The following IGF2 variants were observed in gnomAD, a reference collection of about 807,000 sequenced individuals.
The protein encoded by IGF2 is insulin-like growth factor 2.
A neutral mutation model predicts 12.0 loss-of-function variants in IGF2; 2 were observed. The ratio of observed to expected loss-of-function variants is 0.17; its 90% CI spans 0.07 to 0.52. The LOEUF (loss-of-function observed/expected upper bound fraction) is 0.52. Among genes scored for constraint, IGF2 ranks in the 20% least tolerant of loss-of-function variants. IGF2 has a pLI of 0.95. For missense variants in IGF2, 211 were observed against 268.0 expected, an observed-to-expected ratio of 0.79 and a Z score of 1.48; for synonymous variants, 105 against 110.1, an observed-to-expected ratio of 0.95 and a Z score of 0.29.
chr11:2,135,510 A>T lies in IGF2; in HGVS notation c.14T>A (p.Met5Lys). The part of the protein sequence containing the change: MGIP[M>K]GKSMLVLLTF... ...GAGAAGCACCAGCATCGACTTCCCCATTGGGATTCCCATTGGTGTCTGGGG... is the reference window on the plus strand; with the variant it reads ...GAGAAGCACCAGCATCGACTTCCCCTTTGGGATTCCCATTGGTGTCTGGGG... Residue 5 changes from methionine to lysine, a missense_variant, in exon 2 of 4, where the codon ATG (methionine) becomes AAG (lysine). Met to Lys is a moderately conservative substitution (Grantham distance 95). Around this residue, in one of 3 missense-constraint regions of IGF2, gnomAD observed 40 missense variants for 35.7 expected, o/e 1.12. Transcript: ENST00000416167. 3.7e-6 allele frequency: 6 copies of T among 1,613,510 alleles called. No individual in the cohort carries two copies. The highest frequency in any genetic ancestry group is 4.2e-6 in the Non-Finnish European group (5 of 1,179,788).
chr11:2,149,171 A>G, the IGF2 span: 404 of 1,613,458 alleles, frequency 2.5e-4, 3 homozygotes, highest in South Asian at 4.3e-3. Context: ...TGGACAGTGG[A>G]TAAAGAGGAC....
At chr11:2,139,577 G>GA (rs1164354025), upstream of IGF2, among the ~76,000 whole-genome samples, 1 of 1,492 alleles carries the variant, frequency 6.7e-4, no homozygotes, top group Non-Finnish European at 1.1e-3. Flanking sequence ...CTGGGGCCCC[G>GA]GGGGGGGGGC....
the IGF2 span, chr11:2,147,556 A>C: frequency 1.1e-5 from 13 of 1,158,938 alleles, no homozygotes; most frequent in African/African-American, 1.6e-5. The surrounding 1 kb of genome is among the most constrained non-coding windows in gnomAD (Gnocchi z 7.2). Context: ...AGGGTGCCTG[A>C]GACACTCACC....
In IGF2 at chr11:2,138,765, C is replaced by T; in HGVS notation, c.-543G>A. 2.2e-6 allele frequency: 2 copies of T among 912,724 alleles called. No homozygotes were observed. Among genetic ancestry groups the T allele is most frequent in the Non-Finnish European group, 2.6e-6 (2 of 782,274 alleles). The allele number at this position is 912,724 out of a possible 1,614,324, so 56.5% of individuals were successfully genotyped here. ...ACGGGAGGGAGCGAAGGGAAGGTTGCGGGAGAAAGAGCGGGGGCCGGGGCC... is the reference window on the plus strand; with the variant it reads ...ACGGGAGGGAGCGAAGGGAAGGTTGTGGGAGAAAGAGCGGGGGCCGGGGCC... On this transcript the variant is annotated 5_prime_UTR_variant, in exon 1 of 4. Coordinates refer to ENST00000416167, the MANE Select transcript of IGF2 (RefSeq NM_000612.6).
intron 2 of IGF2, among the ~76,000 whole-genome samples, 170 bp downstream of exon 2, chr11:2,135,197 T>C (rs575243564): frequency 1.5e-3 from 227 of 152,314 alleles, no homozygotes; most frequent in African/African-American, 5.3e-3. Flanking sequence ...CTGGTGTGGA[T>C]GCCCTGGGAC....
At chr11:2,141,559 G>A (rs1342559105), upstream of IGF2, among the ~76,000 whole-genome samples, 1 of 152,210 alleles carries the variant, frequency 6.6e-6, no homozygotes, top group Admixed American at 6.5e-5. Flanking sequence ...TTGCCGTAGA[G>A]CCATATTACG....
In IGF2 at chr11:2,132,879, G is replaced by T; in HGVS notation, c.*108C>A. On this transcript the variant is annotated 3_prime_UTR_variant, in exon 4 of 4. Transcript: ENST00000416167. ...GGACTGGGTCAGGAGAAGCCCCAGG[G>T]GGACGTGGAACCGAGAGATTTTCGG... 1 of 779,224 alleles carries T rather than the reference G, an allele frequency of 1.3e-6. No individual in the cohort carries two copies. 48.3% of individuals were successfully genotyped at this position (779,224 alleles called of 1,614,324 possible). A position where few individuals can be genotyped will look rare whatever the true frequency, so the allele number is the denominator to read the frequency against.
chr11:2,142,417 T>C (rs546351822), upstream of IGF2, among the ~76,000 whole-genome samples: 15 of 152,288 alleles, frequency 9.8e-5, 1 homozygote, highest in Admixed American at 2.0e-4. The surrounding 1 kb of genome is among the most constrained non-coding windows in gnomAD (Gnocchi z 5.7). Context: ...GTCTTAGGAC[T>C]TAGGAATTTT....
chr11:2,135,256 G>A, intron 2 of IGF2, 111 bp downstream of exon 2: 6 of 997,558 alleles, frequency 6.0e-6, no homozygotes, highest in Non-Finnish European at 5.7e-6. Context: ...CTCAGAGCAA[G>A]CGGCTGGGCT....
chr11:2,145,364 A>C (rs985097861), upstream of IGF2, among the ~76,000 whole-genome samples: 1 of 152,190 alleles, frequency 6.6e-6, no homozygotes, highest in Non-Finnish European at 1.5e-5. Context: ...TAGGTTGCCG[A>C]GGCTCCCGTC....
At chr11:2,144,568 G>A (rs1859800750), upstream of IGF2, among the ~76,000 whole-genome samples, 1 of 152,226 alleles carries the variant, frequency 6.6e-6, no homozygotes, top group South Asian at 2.1e-4. Flanking sequence ...CCGCTGGGGT[G>A]CCAGGGGTCT....
the IGF2 span, chr11:2,147,854 C>T: frequency 8.3e-7 from 1 of 1,206,168 alleles, no homozygotes; most frequent in Non-Finnish European, 1.0e-6. The surrounding 1 kb of genome is among the most constrained non-coding windows in gnomAD (Gnocchi z 7.2). Flanking sequence ...CTTTTAAAAG[C>T]AAAGCCCCCC....
upstream of IGF2, chr11:2,140,432 G>A: frequency 2.6e-6 from 2 of 780,786 alleles, no homozygotes; most frequent in African/African-American, 1.8e-5. Context: ...GCGGAATCTC[G>A]CGCCCCCCTG....
At position 2,131,083 on chromosome 11, in the gene IGF2, G is replaced by A. The variant is rs1858512715; in HGVS notation, c.*1904C>T. 8.6e-6 allele frequency: 2 copies of A among 232,500 alleles called. No homozygotes were observed. The highest frequency in any genetic ancestry group is 8.5e-6 in the Non-Finnish European group (1 of 117,748). The allele number at this position is 232,500 out of a possible 1,614,324, so 14.4% of individuals were successfully genotyped here. ...GAATGGGTGGGGTATGGGGAGCATC[G>A]TGGCTCACGCTGCGGGGGCCGTGGG... On this transcript the variant is annotated 3_prime_UTR_variant, in exon 4 of 4. Transcript: ENST00000416167.
rs1391987376 is a variant in IGF2, at chr11:2,135,389, A to G, written c.135T>C (p.Cys45=). Residue 45 remains cysteine (C), a synonymous_variant, in exon 2 of 4, where the codon TGT becomes TGC. Coordinates refer to ENST00000416167, the MANE Select transcript of IGF2 (RefSeq NM_000612.6). The part of the protein sequence containing the change: ...GELVDTLQFV[C]GDRGFYFSRP... The stretch of plus-strand genomic sequence containing the variant: ...TACTGAAGTAGAAGCCGCGGTCCCC[A>G]CAGACGAACTGGAGGGTGTCCACCA... 2.5e-6 allele frequency: 4 copies of G among 1,613,334 alleles called. No individual in the cohort carries two copies. The highest frequency in any genetic ancestry group is 3.3e-4 in the Middle Eastern group (2 of 6,060).
chr11:2,149,243 T>G, the IGF2 span: 6 of 1,613,442 alleles, frequency 3.7e-6, no homozygotes, highest in East Asian at 1.1e-4. Context: ...TCCGCCGGCC[T>G]GGCCAATATT....
chr11:2,134,189 T>C (rs893198544), intron 2 of IGF2: 11 of 483,292 alleles, frequency 2.3e-5, no homozygotes, highest in Admixed American at 2.1e-4. Flanking sequence ...CACTCCCTTC[T>C]TTCCTCCCGT....
At chr11:2,136,261 AAC>A (rs140178958) in intron 1 of IGF2, among the ~76,000 whole-genome samples, 53 of 152,066 alleles carry the variant, frequency 3.5e-4, no homozygotes, top group African/African-American at 1.2e-3. Context: ...GGTACCCCCA[AAC>A]ACACACACAC....
upstream of IGF2, among the ~76,000 whole-genome samples, chr11:2,144,181 G>C (rs1260770374): frequency 6.6e-6 from 1 of 152,214 alleles, no homozygotes; most frequent in Non-Finnish European, 1.5e-5. Context: ...AGAAACCCAA[G>C]GGCCGCGAGG....
Sources: gnomAD v4.1 joint callset for allele counts (sites outside exome capture counted in the v4.1 genomes callset) on GRCh38, gnomAD v4.1.1 for gene constraint, gnomAD v4.1.1 regional missense constraint, Gnocchi (gnomAD v3.1) non-coding constraint, MANE v1.5 for transcripts, NCBI Gene and HGNC (gene_info 2026-07-23, HGNC 2026-07-21) for gene names.